Variants in PRKD1 observed in about 807,000 individuals in gnomAD.
PRKD1 encodes serine/threonine-protein kinase D1.
PRKD1 carries 63 observed loss-of-function variants against 95.9 expected under a neutral mutation model. The observed-to-expected ratio is 0.66, with a 90% confidence interval of 0.54 to 0.81. The LOEUF is 0.81. Among genes scored for constraint, PRKD1 ranks in the 30% least tolerant of loss-of-function variants. PRKD1 has a pLI of 0.00. For synonymous variants in PRKD1, 425 were observed against 423.1 expected (o/e 1.00, Z -0.05); for missense variants, 1,048 against 1,165.3 (o/e 0.90, Z 1.47).
In PRKD1 at chr14:29,622,385, C is replaced by CTTCCTTCT. The variant is rs1879329654; in HGVS notation, c.1905+1766_1905+1767insAGAAGGAA. On this transcript the variant is annotated intron_variant, in intron 13 of 17. Coordinates refer to ENST00000331968, the MANE Select transcript of PRKD1 (RefSeq NM_002742.3). The stretch of plus-strand genomic sequence containing the variant: ...TTTTTCTCCCTTCCTTCCTTCCTTC[C>CTTCCTTCT]TTCTTTCCTTCCTTCTGTTTTTATT... Among the ~76,000 whole-genome samples, 4 of 146,046 alleles carry CTTCCTTCT rather than the reference C, an allele frequency of 2.7e-5. No homozygotes were observed. The South Asian group carries it at 8.9e-4, about 33-fold the overall frequency.
At chr14:29,850,131 G>A (rs146213130) in intron 1 of PRKD1, among the ~76,000 whole-genome samples, 1 of 152,008 alleles carries the variant, frequency 6.6e-6, no homozygotes, top group Non-Finnish European at 1.5e-5. Flanking sequence ...TTCACCTTAA[G>A]AACTGGAACA....
intron 1 of PRKD1, among the ~76,000 whole-genome samples, chr14:29,890,505 GTAGA>G (rs1289273223): frequency 2.0e-5 from 3 of 152,066 alleles, no homozygotes; most frequent in African/African-American, 7.2e-5. Context: ...AGATAAATAG[GTAGA>G]TAGATAGATA....
intron 1 of PRKD1, among the ~76,000 whole-genome samples, chr14:29,814,394 G>A (rs1890609892): frequency 6.6e-6 from 1 of 152,194 alleles, no homozygotes; most frequent in Non-Finnish European, 1.5e-5. Flanking sequence ...CAAGGCAGGA[G>A]CGCAGTGCTG....
chr14:29,673,155 G>A (rs931724844), intron 2 of PRKD1, among the ~76,000 whole-genome samples: 5 of 152,056 alleles, frequency 3.3e-5, no homozygotes, highest in African/African-American at 1.2e-4. Context: ...TACAAACTAT[G>A]CACAATTATT....
intron 1 of PRKD1, among the ~76,000 whole-genome samples, chr14:29,749,217 T>C (rs1887367409): frequency 6.6e-6 from 1 of 152,154 alleles, no homozygotes. Flanking sequence ...CACTATCTCT[T>C]CTCCCACTCT....
At chr14:29,636,619 AT>A in intron 6 of PRKD1, 125 bp from the exon 7 acceptor site, 2 of 886,952 alleles carry the variant, frequency 2.3e-6, no homozygotes, top group Non-Finnish European at 3.4e-6. Flanking sequence ...TGATGAGTTT[AT>A]TTTTTATTTT....
At chr14:29,901,573 A>T (rs1894319109) in intron 1 of PRKD1, among the ~76,000 whole-genome samples, 1 of 152,198 alleles carries the variant, frequency 6.6e-6, no homozygotes, top group African/African-American at 2.4e-5. Context: ...AATTATAAAA[A>T]ATAAAAATAA....
chr14:29,605,610 T>A (rs1893677100), intron 13 of PRKD1, among the ~76,000 whole-genome samples: 1 of 152,194 alleles, frequency 6.6e-6, no homozygotes, highest in Non-Finnish European at 1.5e-5. Flanking sequence ...TCCTACCATA[T>A]TTGGTTGTTG....
chr14:29,781,934 TAGC>T (rs1439681804), intron 1 of PRKD1, among the ~76,000 whole-genome samples: 1 of 152,216 alleles, frequency 6.6e-6, no homozygotes, highest in African/African-American at 2.4e-5. Flanking sequence ...TTCTAAAAAG[TAGC>T]AGTTTTCAAA....
At chr14:29,674,251 A>G (rs1883029230) in intron 2 of PRKD1, among the ~76,000 whole-genome samples, 1 of 152,196 alleles carries the variant, frequency 6.6e-6, no homozygotes, top group Non-Finnish European at 1.5e-5. Flanking sequence ...TATAAAAACT[A>G]GTATTATTTG....
intron 2 of PRKD1, among the ~76,000 whole-genome samples, chr14:29,684,429 T>C (rs1275064315): frequency 1.3e-5 from 2 of 152,230 alleles, no homozygotes; most frequent in Non-Finnish European, 2.9e-5. Flanking sequence ...GTACCAGTAA[T>C]TTAAGTCTAT....
intron 1 of PRKD1, among the ~76,000 whole-genome samples, chr14:29,903,306 T>G (rs1566663427): frequency 6.6e-6 from 1 of 152,200 alleles, no homozygotes; most frequent in Non-Finnish European, 1.5e-5. Flanking sequence ...TGCATTTCAT[T>G]AATGCAATAC....
At chr14:29,751,175 A>C (rs1291600455) in intron 1 of PRKD1, 3 of 152,208 alleles carry the variant, frequency 2.0e-5, no homozygotes, top group African/African-American at 7.2e-5. Flanking sequence ...ACTTTTGATC[A>C]ATTATAGAAT....
At chr14:29,848,217 A>T (rs146894988) in intron 1 of PRKD1, among the ~76,000 whole-genome samples, 39 of 152,180 alleles carry the variant, frequency 2.6e-4, no homozygotes, top group Non-Finnish European at 5.1e-4. Context: ...AATATCAGAG[A>T]TCTGTGTTCT....
chr14:29,725,531 A>G lies in PRKD1; in HGVS notation c.403+5T>C. On this transcript the variant is annotated splice_donor_5th_base_variant and intron_variant, in intron 2 of 17. Transcript: ENST00000331968. ...GGATAAAGAAAAGGTATAAAAGTAT[A>G]CTACCTGACAAGACCACTTCAATAA... 1 of 1,612,492 alleles carries G rather than the reference A, an allele frequency of 6.2e-7. No individual in the cohort carries two copies. Among genetic ancestry groups the G allele is most frequent in the Non-Finnish European group, 8.5e-7 (1 of 1,179,088 alleles).
intron 11 of PRKD1, among the ~76,000 whole-genome samples, chr14:29,627,496 G>A (rs1364804295): frequency 1.3e-5 from 2 of 152,164 alleles, no homozygotes; most frequent in Non-Finnish European, 2.9e-5. Flanking sequence ...AATAATAAGT[G>A]CTGAATAAAG....
intron 2 of PRKD1, among the ~76,000 whole-genome samples, chr14:29,703,521 T>A (rs1884938376): frequency 6.6e-6 from 1 of 152,196 alleles, no homozygotes; most frequent in Non-Finnish European, 1.5e-5. Flanking sequence ...TTTATTCTTC[T>A]TTGGGAAAGA....
intron 2 of PRKD1, among the ~76,000 whole-genome samples, chr14:29,677,502 T>C (rs748043074): frequency 5.9e-5 from 9 of 152,200 alleles, no homozygotes; most frequent in Non-Finnish European, 1.3e-4. Flanking sequence ...CATTTTGTGG[T>C]GTTAACTCCA....
chr14:29,643,842 A>T (rs904754464), intron 4 of PRKD1, among the ~76,000 whole-genome samples: 12 of 152,238 alleles, frequency 7.9e-5, no homozygotes, highest in African/African-American at 2.7e-4. Context: ...TCAAATGAAA[A>T]TGTGTGCATT....
Sources: gnomAD v4.1 joint callset for allele counts (sites outside exome capture counted in the v4.1 genomes callset) on GRCh38, gnomAD v4.1.1 for gene constraint, MANE v1.5 for transcripts, NCBI Gene and HGNC (gene_info 2026-07-23, HGNC 2026-07-21) for gene names.